PDZK1: variants seen among roughly 807,000 people sequenced by gnomAD.
PDZK1 encodes the protein PDZ domain containing 1.
A neutral mutation model predicts 38.1 loss-of-function variants in PDZK1; 23 were observed. That is an observed-to-expected ratio of 0.60 (90% CI 0.43 to 0.85). The LOEUF is 0.85. PDZK1 is among the 40% of genes least tolerant of loss of function. The probability of loss-of-function intolerance (pLI) is 0.00; values close to 1 mark genes in which losing one functional copy is unlikely to be tolerated. For synonymous variants in PDZK1, 98 were observed against 186.2 expected (o/e 0.53, Z 3.86); for missense variants, 297 against 504.3 (o/e 0.59, Z 3.94).
intron 1 of PDZK1, among the ~76,000 whole-genome samples, chr1:145,688,381 A>G (rs1367716815): frequency 1.3e-5 from 2 of 152,170 alleles, no homozygotes; most frequent in Non-Finnish European, 2.9e-5. Flanking sequence ...TCTCATTCAA[A>G]CATTTGAAGA....
At position 145,677,910 on chromosome 1, in the gene PDZK1, TAAAAAAAAAAAAAAA is replaced by T. The variant is rs71077285; in HGVS notation, c.990+524_990+538del. Among the ~76,000 whole-genome samples the T allele has an allele frequency of 1.3e-4, 9 of 68,602 alleles. 1 individual carries two copies. In the South Asian group the frequency reaches 4.5e-3, roughly 34 times the overall value. 45.0% of individuals were successfully genotyped at this position (68,602 alleles called of 152,430 possible). ...ACAACCTCAGTTCTTGTGTTAAAAG[TAAAAAAAAAAAAAAA>T]AAAAAAAAAAAAAACCTTAAAACAT... On this transcript the variant is annotated intron_variant, in intron 6 of 8. Coordinates refer to ENST00000417171, the MANE Select transcript of PDZK1 (RefSeq NM_001201325.2).
intron 1 of PDZK1, 122 bp from the exon 2 acceptor site, chr1:145,688,145 G>A: frequency 1.2e-6 from 1 of 829,454 alleles, no homozygotes; most frequent in South Asian, 1.5e-5. Context: ...TGCTTGGGTA[G>A]TAATGCTGGG....
chr1:145,677,078 G>T (rs1553699441), intron 6 of PDZK1, among the ~76,000 whole-genome samples: 1 of 152,156 alleles, frequency 6.6e-6, no homozygotes. Flanking sequence ...TTCCAAGTAT[G>T]GTCTGACCAA....
chr1:145,679,699 GTTC>G (rs1434665301), intron 5 of PDZK1, among the ~76,000 whole-genome samples: 1 of 152,228 alleles, frequency 6.6e-6, no homozygotes, highest in Non-Finnish European at 1.5e-5. Flanking sequence ...AATTTCAGCA[GTTC>G]TTCTTGCATA....
At chr1:145,687,685 G>C (rs1487456867) in intron 2 of PDZK1, 127 bp downstream of exon 2, 2 of 740,574 alleles carry the variant, frequency 2.7e-6, no homozygotes, top group Non-Finnish European at 4.7e-6. Context: ...CAGCAATAAA[G>C]GTGTCCTGCC....
At chr1:145,674,081 T>A in intron 6 of PDZK1, 200 bp from the exon 7 acceptor site, 1 of 702,558 alleles carries the variant, frequency 1.4e-6, no homozygotes, top group Non-Finnish European at 1.7e-6. Context: ...TGGAGTAATA[T>A]GTGTATACAT....
intron 6 of PDZK1, among the ~76,000 whole-genome samples, chr1:145,676,790 C>G (rs587773674): frequency 6.6e-6 from 1 of 151,984 alleles, no homozygotes; most frequent in East Asian, 1.9e-4. Flanking sequence ...TGAAGATGCT[C>G]TCTTCTCCAA....
At chr1:145,697,600 A>G (rs1234357395) in intron 1 of PDZK1, among the ~76,000 whole-genome samples, 1 of 151,596 alleles carries the variant, frequency 6.6e-6, no homozygotes, top group East Asian at 1.9e-4. Context: ...AGCAACGAAT[A>G]TTGATATTTT....
rs113992265 is a variant in PDZK1 at position 145,704,024 on chromosome 1, T to C, written c.-3+3293A>G. On this transcript the variant is annotated intron_variant, in intron 1 of 8. Transcript: ENST00000417171. ...TTGTATTTTTAGTAGAGATGGGGTT[T>C]CACTATGTTGGCCAGGCTGGTCTCA... 4.7e-3 allele frequency among the ~76,000 whole-genome samples: 710 copies of C among 152,262 alleles called. 7 individuals are homozygous for C. Among genetic ancestry groups the C allele is most frequent in the African/African-American group, 0.016 (671 of 41,542 alleles).
In PDZK1 at chr1:145,687,948, C is replaced by A. The variant is rs782100892; in HGVS notation, c.74G>T (p.Arg25Leu). The change falls in exon 2 of 9, where the codon CGA (arginine) becomes CTA (leucine). Residue 25 changes from arginine to leucine, a missense_variant. Physicochemically the swap from Arg to Leu is moderately radical, Grantham distance 102. Coordinates refer to ENST00000417171, the MANE Select transcript of PDZK1 (RefSeq NM_001201325.2). The stretch of plus-strand genomic sequence containing the variant: ...GTGGCCCTCGGTGTCCTTCTCAATT[C>A]GCAGGAAGAAGCCATAGTTTTGCCC... ...QEGQNYGFFL[R>L]IEKDTEGHLV... 1.2e-6 allele frequency: 2 copies of A among 1,612,268 alleles called. No individual in the cohort carries two copies. The highest frequency in any genetic ancestry group is 1.7e-6 in the Non-Finnish European group (2 of 1,179,538).
intron 1 of PDZK1, among the ~76,000 whole-genome samples, chr1:145,693,756 A>T (rs1655453311): frequency 6.6e-6 from 1 of 150,906 alleles, no homozygotes; most frequent in South Asian, 2.1e-4. Flanking sequence ...CCTGGGTGAC[A>T]GAGCGAGACT....
intron 1 of PDZK1, among the ~76,000 whole-genome samples, chr1:145,694,895 CAAAAAAA>C (rs10657290): frequency 0.04 from 1,613 of 39,880 alleles, 28 homozygotes; most frequent in African/African-American, 0.11. Flanking sequence ...GACTCTGTCT[CAAAAAAA>C]AAAAAAAAAA....
chr1:145,700,507 G>C (rs993521239), intron 1 of PDZK1, among the ~76,000 whole-genome samples: 1 of 152,066 alleles, frequency 6.6e-6, no homozygotes, highest in Non-Finnish European at 1.5e-5. Context: ...GCCCAGAGAG[G>C]GACCTTCATA....
At chr1:145,705,423 G>A (rs148268948) in intron 1 of PDZK1, among the ~76,000 whole-genome samples, 1 of 152,242 alleles carries the variant, frequency 6.6e-6, no homozygotes, top group African/African-American at 2.4e-5. Context: ...TACACGCTGT[G>A]AATGATAGAG....
chr1:145,676,641 G>T (rs1340261726), intron 6 of PDZK1, among the ~76,000 whole-genome samples: 7 of 148,394 alleles, frequency 4.7e-5, no homozygotes, highest in African/African-American at 1.7e-4. Flanking sequence ...CAGGGGAATC[G>T]CTTGAACCCG....
rs782185033 is a variant in PDZK1 at position 145,672,746 on chromosome 1, T to G, written c.1490A>C (p.His497Pro). 1 of 1,611,960 alleles carries G rather than the reference T, an allele frequency of 6.2e-7. No individual in the cohort carries two copies. Among genetic ancestry groups the G allele is most frequent in the South Asian group, 1.1e-5 (1 of 90,988 alleles). The change falls in exon 8 of 9, where the codon CAC becomes CCC. Residue 497 changes from histidine (H) to proline (P), a missense_variant. Transcript: ENST00000417171. ...GIVVESNHDS[H>P]MAKERAHSTA... ...CCCACTCACCCGTTCTTTTGCCATG[T>G]GCGAGTCATGGTTTGACTCCACCAC...
intron 8 of PDZK1, among the ~76,000 whole-genome samples, chr1:145,672,088 C>A (rs1312768827): frequency 6.6e-6 from 1 of 152,104 alleles, no homozygotes; most frequent in African/African-American, 2.4e-5. Context: ...TTTTCGACCT[C>A]AAGTTCATCT....
intron 6 of PDZK1, among the ~76,000 whole-genome samples, chr1:145,675,875 A>G (rs1653608553): frequency 6.6e-6 from 1 of 151,944 alleles, no homozygotes; most frequent in Admixed American, 6.6e-5. Flanking sequence ...AAAATTAGCC[A>G]GGTGTGGTAG....
intron 1 of PDZK1, among the ~76,000 whole-genome samples, chr1:145,692,010 A>G (rs1163333214): frequency 3.9e-5 from 6 of 152,048 alleles, no homozygotes; most frequent in Non-Finnish European, 7.4e-5. Flanking sequence ...AGCTAATTAT[A>G]CCATTAAATT....
Sources: gnomAD v4.1 joint callset for allele counts (sites outside exome capture counted in the v4.1 genomes callset) on GRCh38, gnomAD v4.1.1 for gene constraint, MANE v1.5 for transcripts, NCBI Gene and HGNC (gene_info 2026-07-23, HGNC 2026-07-21) for gene names.